The following FBXO45 variants were observed in gnomAD, a reference collection of about 807,000 sequenced individuals.
The protein encoded by FBXO45 is F-box protein 45.
In FBXO45, 3 loss-of-function variants were observed where a neutral mutation model predicts 25.5. The ratio of observed to expected loss-of-function variants is 0.12; its 90% confidence interval spans 0.05 to 0.30. FBXO45 has a LOEUF of 0.30. FBXO45 is among the 10% of genes least tolerant of loss of function. The pLI, the probability that FBXO45 is intolerant of heterozygous loss-of-function variation, is 1.00. For missense variants in FBXO45, 219 were observed against 365.0 expected, an observed-to-expected ratio of 0.60 and a Z score of 3.26; for synonymous variants, 155 against 149.8, an observed-to-expected ratio of 1.03 and a Z score of -0.25.
Position 196,577,809 on chromosome 3 carries a change from G to A in FBXO45, c.675G>A (p.Gln225=), listed in dbSNP as rs1735939480. 1 of 1,557,538 alleles carries A rather than the reference G, an allele frequency of 6.4e-7. No individual in the cohort carries two copies. Among genetic ancestry groups the A allele is most frequent in the Non-Finnish European group, 8.8e-7 (1 of 1,139,744 alleles). ...FPQCNNAPKY[Q]IGERIRVILD... ...AGTGCAACAACGCACCAAAATATCA[G>A]GTGAGAAACTGGGGTTTTTCTCAAG... The change falls in exon 2 of 3, where the codon CAG becomes CAA. Residue 225 remains glutamine (Q), a splice_region_variant and synonymous_variant. Transcript: ENST00000311630.
rs893709244 is a variant in FBXO45, at chr3:196,585,399, A to C, written c.*1081A>C. 6.6e-6 allele frequency: 1 copy of C among 152,222 alleles called. No individual in the cohort carries two copies. Among genetic ancestry groups the C allele is most frequent in the African/African-American group, 2.4e-5 (1 of 41,464 alleles). The allele number at this position is 152,222 out of a possible 1,614,324, so 9.4% of individuals were successfully genotyped here. A position where few individuals can be genotyped will look rare whatever the true frequency, so the allele number is the denominator to read the frequency against. ...ATAAATGCTGTAGATATTATCAAAA[A>C]AATTTTAATTTCATATTGTTTACAT... On this transcript the variant is annotated 3_prime_UTR_variant, in exon 3 of 3. Coordinates refer to ENST00000311630, the MANE Select transcript of FBXO45 (RefSeq NM_001105573.2).
At chr3:196,572,815 G>A (rs1487157620) in intron 1 of FBXO45, among the ~76,000 whole-genome samples, 1 of 152,192 alleles carries the variant, frequency 6.6e-6, no homozygotes, top group Non-Finnish European at 1.5e-5. Context: ...GGCAGATTTA[G>A]TAAGTAAAAT....
intron 2 of FBXO45, among the ~76,000 whole-genome samples, chr3:196,583,158 G>T (rs2108729388): frequency 6.6e-6 from 1 of 152,118 alleles, no homozygotes; most frequent in South Asian, 2.1e-4. Flanking sequence ...TATTTTCAGG[G>T]TCTATCTATG....
In FBXO45 at chr3:196,570,263, CCCT is replaced by C. The variant is rs1307463868; in HGVS notation, c.318+962_318+964del. 7.5e-3 allele frequency among the ~76,000 whole-genome samples: 756 copies of C among 100,470 alleles called. 5 individuals are homozygous for C. The highest frequency in any genetic ancestry group is 0.031 in the African/African-American group (735 of 23,896). 65.9% of individuals were successfully genotyped at this position (100,470 alleles called of 152,430 possible). A position where few individuals can be genotyped will look rare whatever the true frequency, so the allele number is the denominator to read the frequency against. Reference sequence around the variant, plus strand: ...TAGTAACTAAAACGATAACATCCCCCCCTTTTTTTTTTTTTTTGAGACGGAGTG... The same window carrying C: ...TAGTAACTAAAACGATAACATCCCCCTTTTTTTTTTTTTTGAGACGGAGTG... On this transcript the variant is annotated intron_variant, in intron 1 of 2. Coordinates refer to ENST00000311630, the MANE Select transcript of FBXO45 (RefSeq NM_001105573.2).
At chr3:196,580,081 C>A (rs1417047676) in intron 2 of FBXO45, among the ~76,000 whole-genome samples, 5 of 152,172 alleles carry the variant, frequency 3.3e-5, no homozygotes, top group East Asian at 1.9e-4. Flanking sequence ...CAACCTCCAC[C>A]TCCCAGGTTC....
At chr3:196,580,677 G>T (rs543950287) in intron 2 of FBXO45, among the ~76,000 whole-genome samples, 7 of 152,210 alleles carry the variant, frequency 4.6e-5, no homozygotes, top group African/African-American at 1.7e-4. Flanking sequence ...GTAAGTGTTG[G>T]ATTGCTTGAT....
chr3:196,569,226 G>A lies in FBXO45; in HGVS notation c.242G>A (p.Ser81Asn). Reference protein sequence around the residue: ...HGDENSEVWRSLCARSLAEEA... With the variant: ...HGDENSEVWRNLCARSLAEEA... ...GATGAGAACAGCGAGGTGTGGCGGA[G>A]CCTGTGCGCCCGCAGCCTGGCAGAA... The change falls in exon 1 of 3, where the codon AGC becomes AAC. Residue 81 changes from serine to asparagine, a missense_variant. Ser to Asn is a conservative substitution (Grantham distance 46). Around this residue, in one of 4 missense-constraint regions of FBXO45, gnomAD observed 138 missense variants for 157.3 expected, o/e 0.88. Coordinates refer to ENST00000311630, the MANE Select transcript of FBXO45 (RefSeq NM_001105573.2). The surrounding 1 kb of genome is among the most constrained non-coding windows in gnomAD (Gnocchi z 4.1). The A allele has an allele frequency of 6.3e-7, 1 of 1,580,550 alleles. No homozygotes were observed. Among genetic ancestry groups the A allele is most frequent in the South Asian group, 1.2e-5 (1 of 86,144 alleles).
chr3:196,573,539 G>A (rs1735863361), intron 1 of FBXO45, among the ~76,000 whole-genome samples: 1 of 152,188 alleles, frequency 6.6e-6, no homozygotes, highest in Admixed American at 6.6e-5. Context: ...GGTACATCGA[G>A]GAGAGAAGGG....
rs910522711 is a variant in FBXO45, at chr3:196,585,523, T to C, written c.*1205T>C. The C allele has an allele frequency of 3.9e-5, 6 of 152,220 alleles. No homozygotes were observed. Among genetic ancestry groups the C allele is most frequent in the African/African-American group, 1.4e-4 (6 of 41,464 alleles). The allele number at this position is 152,220 out of a possible 1,614,324, so 9.4% of individuals were successfully genotyped here. A position where few individuals can be genotyped will look rare whatever the true frequency, so the allele number is the denominator to read the frequency against. On this transcript the variant is annotated 3_prime_UTR_variant, in exon 3 of 3. Transcript: ENST00000311630. The stretch of plus-strand genomic sequence containing the variant: ...GTTAAGAATATTCTTAATCTCATTA[T>C]AGATAATTGCCCCCATGGGACTTGA...
Position 196,585,350 on chromosome 3 carries a change from A to G in FBXO45, c.*1032A>G, listed in dbSNP as rs530517654. 3.3e-5 allele frequency: 5 copies of G among 152,296 alleles called. No individual in the cohort carries two copies. The East Asian group carries it at 7.7e-4, about 23-fold the overall frequency. 9.4% of individuals were successfully genotyped at this position (152,296 alleles called of 1,614,324 possible). The stretch of plus-strand genomic sequence containing the variant: ...AGCCTAGGAAAAAAAGAATTGATTA[A>G]TGGTCCTTTTATTTTGTAACCTTAT... On this transcript the variant is annotated 3_prime_UTR_variant, in exon 3 of 3. Coordinates refer to ENST00000311630, the MANE Select transcript of FBXO45 (RefSeq NM_001105573.2).
In FBXO45 at chr3:196,587,514, C is replaced by G. The variant is rs961768521; in HGVS notation, c.*3196C>G. ...ACTGGAGAAAGAGTTTCAAAAATAG[C>G]AGAGCCCTAAACCATAAAGAAACTA... is the stretch of plus-strand genomic sequence containing the variant. On this transcript the variant is annotated 3_prime_UTR_variant, in exon 3 of 3. Transcript: ENST00000311630. 3.3e-5 allele frequency: 5 copies of G among 152,150 alleles called. No homozygotes were observed. Among genetic ancestry groups the G allele is most frequent in the Non-Finnish European group, 5.9e-5 (4 of 68,014 alleles). 9.4% of individuals were successfully genotyped at this position (152,150 alleles called of 1,614,324 possible). A position where few individuals can be genotyped will look rare whatever the true frequency, so the allele number is the denominator to read the frequency against.
At chr3:196,575,156 G>T (rs759785034) in intron 1 of FBXO45, among the ~76,000 whole-genome samples, 1 of 152,182 alleles carries the variant, frequency 6.6e-6, no homozygotes, top group African/African-American at 2.4e-5. Context: ...AGATGTCATA[G>T]AAGTTTGAGG....
chr3:196,584,439 A>G lies in FBXO45; in HGVS notation c.*121A>G. The stretch of plus-strand genomic sequence containing the variant: ...ACATCCTGAAAACACATGAAGTCGT[A>G]AACTGGAGAAGCAGCTCTACAGCAG... On this transcript the variant is annotated 3_prime_UTR_variant, in exon 3 of 3. Transcript: ENST00000311630. This position sits in a 1 kb window ranked among gnomAD's most constrained non-coding sequence, Gnocchi z 4.3. 1 of 846,192 alleles carries G rather than the reference A, an allele frequency of 1.2e-6. No individual in the cohort carries two copies. 52.4% of individuals were successfully genotyped at this position (846,192 alleles called of 1,614,324 possible).
intron 2 of FBXO45, among the ~76,000 whole-genome samples, chr3:196,582,140 G>A (rs959813676): frequency 2.0e-5 from 3 of 152,124 alleles, no homozygotes; most frequent in African/African-American, 4.8e-5. Context: ...GTAAGACTTC[G>A]CTTTCTCCAC....
rs1429982378 is a variant in FBXO45, at chr3:196,586,794, G to A, written c.*2476G>A. ...AGATTCTGATGTTGGTCTGGAATAT[G>A]AGCTGGTCATAAGGATTTTTAAAAA... is the stretch of plus-strand genomic sequence containing the variant. On this transcript the variant is annotated 3_prime_UTR_variant, in exon 3 of 3. Coordinates refer to ENST00000311630, the MANE Select transcript of FBXO45 (RefSeq NM_001105573.2). The A allele has an allele frequency of 2.0e-5, 3 of 152,140 alleles. No individual in the cohort carries two copies. Among genetic ancestry groups the A allele is most frequent in the Non-Finnish European group, 4.4e-5 (3 of 68,034 alleles). The allele number at this position is 152,140 out of a possible 1,614,324, so 9.4% of individuals were successfully genotyped here.
rs1736065407 is a variant in FBXO45 at position 196,584,307 on chromosome 3, T to C, written c.850T>C (p.Leu284=). The change falls in exon 3 of 3, where the codon TTG becomes CTG. Residue 284 remains leucine, a synonymous_variant. Coordinates refer to ENST00000311630, the MANE Select transcript of FBXO45 (RefSeq NM_001105573.2). This position sits in a 1 kb window ranked among gnomAD's most constrained non-coding sequence, Gnocchi z 4.3. ...GACTTTGGTTTACCTTGGAAAACCT[T>C]TGGACGGATGACAGTGGCTTTCTTG... is the stretch of plus-strand genomic sequence containing the variant. The part of the protein sequence containing the change: ...EVTLVYLGKP[L]DG 4 of 1,604,828 alleles carry C rather than the reference T, an allele frequency of 2.5e-6. No individual in the cohort carries two copies. The highest frequency in any genetic ancestry group is 4.5e-5 in the East Asian group (2 of 44,716).
rs1735744701 is a variant in FBXO45 at position 196,569,478 on chromosome 3, C to T, written c.318+176C>T. Among the ~76,000 whole-genome samples the T allele has an allele frequency of 6.6e-6, 1 of 152,148 alleles. No individual in the cohort carries two copies. The highest frequency in any genetic ancestry group is 1.5e-5 in the Non-Finnish European group (1 of 68,018). ...GATAAAGATTCTCTTTTCTTTGGAT[C>T]GAAGTTCTGCTCCTTAACCCATCCC... On this transcript the variant is annotated intron_variant, in intron 1 of 2. Transcript: ENST00000311630. The surrounding 1 kb of genome is among the most constrained non-coding windows in gnomAD (Gnocchi z 4.1).
At chr3:196,573,417 A>G (rs1560316848) in intron 1 of FBXO45, among the ~76,000 whole-genome samples, 1 of 152,216 alleles carries the variant, frequency 6.6e-6, no homozygotes, top group Non-Finnish European at 1.5e-5. Flanking sequence ...TGTAAACCAT[A>G]GAAGTTTGAA....
intron 1 of FBXO45, among the ~76,000 whole-genome samples, chr3:196,571,350 C>A (rs569942517): frequency 1.5e-4 from 23 of 152,274 alleles, no homozygotes; most frequent in Middle Eastern, 3.4e-3. Flanking sequence ...AGCTTAGCCT[C>A]CCGAGTAGCT....
Sources: allele counts gnomAD v4.1 joint callset (sites outside exome capture counted in the v4.1 genomes callset), GRCh38; gene constraint gnomAD v4.1.1; regional missense constraint gnomAD v4.1.1; non-coding constraint Gnocchi (gnomAD v3.1); transcripts MANE v1.5; gene names NCBI Gene and HGNC (gene_info 2026-07-23, HGNC 2026-07-21).